The following ANK2 variants were observed in gnomAD, a reference collection of about 807,000 sequenced individuals.
The protein encoded by ANK2 is ankyrin 2, also known as ankyrin-2.
ANK2 carries 83 observed loss-of-function variants against 360.5 expected under a neutral mutation model. That is an observed-to-expected ratio of 0.23 (90% CI 0.19 to 0.28). The LOEUF is 0.28. Ranked by LOEUF, ANK2 falls within the 10% of genes least tolerant of loss-of-function variation. The probability of loss-of-function intolerance (pLI) is 1.00; values close to 1 mark genes in which losing one functional copy is unlikely to be tolerated. For missense variants in ANK2, 4,201 were observed against 4,795.7 expected, an observed-to-expected ratio of 0.88 and a Z score of 3.66; for synonymous variants, 1,740 against 1,759.5, an observed-to-expected ratio of 0.99 and a Z score of 0.28.
At chr4:112,976,723 T>C (rs1475059159) in intron 2 of ANK2, among the ~76,000 whole-genome samples, 6 of 152,144 alleles carry the variant, frequency 3.9e-5, no homozygotes, top group Non-Finnish European at 7.4e-5. Flanking sequence ...CACTTTTTTT[T>C]CCCCTTTAAG....
At position 113,006,569 on chromosome 4, in the gene ANK2, A is replaced by G. The variant is rs114542546; in HGVS notation, c.21+102055A>G. Among the ~76,000 whole-genome samples, 1,059 of 152,322 alleles carry G rather than the reference A, an allele frequency of 7.0e-3. 6 individuals are homozygous for G. Among genetic ancestry groups the G allele is most frequent in the Non-Finnish European group, 0.012 (850 of 68,018 alleles). On this transcript the variant is annotated intron_variant, in intron 2 of 30. Transcript: ENST00000503271. ...AACAATCTTTTCTTATAGACTGTTGATAAGAGTATAAATGGGCACAGGATT... is the reference window on the plus strand; with the variant it reads ...AACAATCTTTTCTTATAGACTGTTGGTAAGAGTATAAATGGGCACAGGATT...
chr4:113,066,278 T>C (rs1163966119), intron 1 of ANK2, among the ~76,000 whole-genome samples: 1 of 152,196 alleles, frequency 6.6e-6, no homozygotes, highest in African/African-American at 2.4e-5. Flanking sequence ...GCTGGACTCA[T>C]TCTGTAAGTG....
intron 1 of ANK2, chr4:113,145,592 CAT>C (rs2154387980): frequency 9.5e-7 from 1 of 1,057,330 alleles, no homozygotes; most frequent in East Asian, 7.1e-5. Context: ...CATTGACATG[CAT>C]AGCTGGCCTG....
chr4:112,745,507 C>G, the ANK2 span, among the ~76,000 whole-genome samples: 1 of 148,886 alleles, frequency 6.7e-6, no homozygotes, highest in Non-Finnish European at 1.5e-5. Flanking sequence ...TGTAGTCACC[C>G]TGTTGTGCTA....
chr4:113,144,185 T>G (rs974653025), intron 1 of ANK2, among the ~76,000 whole-genome samples: 3 of 152,188 alleles, frequency 2.0e-5, no homozygotes, highest in African/African-American at 7.2e-5. Context: ...CACTGAATAC[T>G]GGCAATGCCT....
At chr4:113,322,769 T>C (rs2087003028) in intron 26 of ANK2, among the ~76,000 whole-genome samples, 1 of 152,178 alleles carries the variant, frequency 6.6e-6, no homozygotes, top group African/African-American at 2.4e-5. Context: ...ATTTTAAAAA[T>C]CATCTTGAAG....
chr4:113,336,485 TG>T, intron 30 of ANK2, 91 bp from the exon 31 acceptor site: 1 of 1,233,334 alleles, frequency 8.1e-7, no homozygotes, highest in Non-Finnish European at 1.1e-6. Context: ...AAAAATACTT[TG>T]GGGAAGAAAT....
chr4:112,974,326 G>A (rs935499455), intron 2 of ANK2, among the ~76,000 whole-genome samples: 2 of 152,184 alleles, frequency 1.3e-5, no homozygotes, highest in African/African-American at 4.8e-5. Flanking sequence ...AGGGGGACCT[G>A]CTAATTTCCT....
the ANK2 span, among the ~76,000 whole-genome samples, chr4:112,728,609 A>G: frequency 6.6e-6 from 1 of 151,876 alleles, no homozygotes; most frequent in Non-Finnish European, 1.5e-5. Flanking sequence ...AAAATTAGCC[A>G]GGCGTGGTGA....
chr4:113,022,759 G>C (rs1212781372), intron 2 of ANK2, among the ~76,000 whole-genome samples: 1 of 152,168 alleles, frequency 6.6e-6, no homozygotes, highest in Non-Finnish European at 1.5e-5. Context: ...ATGATGCAAT[G>C]ATGAGACTTG....
At chr4:113,366,059 C>A (rs1444801555) in intron 41 of ANK2, among the ~76,000 whole-genome samples, 6 of 152,098 alleles carry the variant, frequency 3.9e-5, no homozygotes, top group Non-Finnish European at 8.8e-5. Context: ...TTAATAGATC[C>A]CATCTTTAAA....
intron 23 of ANK2, among the ~76,000 whole-genome samples, chr4:113,303,239 A>G (rs1347905759): frequency 1.2e-4 from 19 of 152,222 alleles, no homozygotes; most frequent in Admixed American, 1.2e-3. Flanking sequence ...ATACTCCATC[A>G]ATGAGTGTTC....
chr4:113,049,630 T>C, upstream of ANK2: 5 of 1,111,246 alleles, frequency 4.5e-6, no homozygotes, highest in Admixed American at 4.5e-5. Flanking sequence ...CCACCCCTCC[T>C]CCTCCTCCTG....
At chr4:113,148,282 T>C (rs1297841183) in intron 1 of ANK2, among the ~76,000 whole-genome samples, 1 of 152,234 alleles carries the variant, frequency 6.6e-6, no homozygotes, top group Non-Finnish European at 1.5e-5. Flanking sequence ...TGCATTGAGA[T>C]CATGTATTTC....
chr4:112,916,853 A>G (rs557486364), intron 2 of ANK2, among the ~76,000 whole-genome samples: 6 of 152,308 alleles, frequency 3.9e-5, no homozygotes, highest in African/African-American at 1.4e-4. Context: ...TATATATCTC[A>G]TTATATATAA....
At chr4:112,857,641 C>A (rs549265406) in intron 1 of ANK2, among the ~76,000 whole-genome samples, 1 of 152,316 alleles carries the variant, frequency 6.6e-6, no homozygotes, top group Admixed American at 6.5e-5. Flanking sequence ...TGTTACTATG[C>A]TGCAGTGATT....
chr4:113,072,742 A>ATTTTTTTTTTTTTTTTTTTTTTTT (rs34098456), intron 1 of ANK2, among the ~76,000 whole-genome samples: 2 of 74,246 alleles, frequency 2.7e-5, no homozygotes, highest in African/African-American at 8.9e-5. Flanking sequence ...ACTTGGCATA[A>ATTTTTTTTTTTTTTTTTTTTTTTT]TTTTTTTTTT....
intron 1 of ANK2, among the ~76,000 whole-genome samples, chr4:113,103,682 T>G (rs2093255124): frequency 6.6e-6 from 1 of 152,184 alleles, no homozygotes; most frequent in Non-Finnish European, 1.5e-5. Context: ...ATATTATTTG[T>G]GCTTTTAATG....
intron 2 of ANK2, among the ~76,000 whole-genome samples, chr4:113,030,208 A>C (rs1457569506): frequency 2.0e-5 from 3 of 152,116 alleles, no homozygotes; most frequent in Non-Finnish European, 4.4e-5. Flanking sequence ...ACTAAAAAAA[A>C]CCAAATAATA....
Sources: allele counts gnomAD v4.1 joint callset (sites outside exome capture counted in the v4.1 genomes callset), GRCh38; gene constraint gnomAD v4.1.1; transcripts MANE v1.5; gene names NCBI Gene and HGNC (gene_info 2026-07-23, HGNC 2026-07-21).